PDE4D: variants seen among roughly 807,000 people sequenced by gnomAD.
The protein encoded by PDE4D is phosphodiesterase 4D.
A neutral mutation model predicts 87.4 loss-of-function variants in PDE4D; 24 were observed. The observed-to-expected ratio is 0.27, with a 90% confidence interval of 0.20 to 0.39. The LOEUF is 0.39. Among genes scored for constraint, PDE4D ranks in the 10% least tolerant of loss-of-function variants. The pLI is 1.00. For missense variants in PDE4D, 714 were observed against 1,041.0 expected, an observed-to-expected ratio of 0.69 and a Z score of 4.32; for synonymous variants, 384 against 383.2, an observed-to-expected ratio of 1.00 and a Z score of -0.02.
rs112875369 is a variant in PDE4D at position 59,117,226 on chromosome 5, T to C, written c.808+63369A>G. Among the ~76,000 whole-genome samples the C allele has an allele frequency of 6.2e-3, 938 of 152,328 alleles. 9 individuals carry two copies. Among genetic ancestry groups the C allele is most frequent in the African/African-American group, 0.021 (883 of 41,576 alleles). On this transcript the variant is annotated intron_variant, in intron 5 of 14. Transcript: ENST00000340635. ...CTTACATGAGGCAGGTCTCTTATTC[T>C]ATTCTGGGGTCTCACTGCTATCAAT...
chr5:60,349,505 A>T (rs2149920309), intron 1 of PDE4D, among the ~76,000 whole-genome samples: 1 of 152,298 alleles, frequency 6.6e-6, no homozygotes, highest in East Asian at 1.9e-4. Flanking sequence ...ATGCCACTTT[A>T]AACTGTTGGC....
At chr5:59,847,277 C>G (rs1157342924) in intron 1 of PDE4D, among the ~76,000 whole-genome samples, 1 of 152,008 alleles carries the variant, frequency 6.6e-6, no homozygotes, top group Non-Finnish European at 1.5e-5. Flanking sequence ...CCCATTGTAT[C>G]TCACACCTAA....
intron 1 of PDE4D, among the ~76,000 whole-genome samples, chr5:59,835,110 G>C (rs1561738453): frequency 6.6e-6 from 1 of 152,062 alleles, no homozygotes. Flanking sequence ...AAGGAAGTGA[G>C]AGCCATATTG....
At chr5:59,308,486 A>G (rs1425770566) in intron 1 of PDE4D, among the ~76,000 whole-genome samples, 1 of 152,062 alleles carries the variant, frequency 6.6e-6, no homozygotes, top group Non-Finnish European at 1.5e-5. Flanking sequence ...TCCTTCATAT[A>G]TGATGCTTAA....
intron 5 of PDE4D, among the ~76,000 whole-genome samples, chr5:59,167,373 A>G (rs1782071601): frequency 1.3e-5 from 2 of 152,162 alleles, no homozygotes; most frequent in Admixed American, 6.5e-5. Context: ...AATATTAGTC[A>G]AATAACAGTC....
intron 2 of PDE4D, among the ~76,000 whole-genome samples, chr5:60,044,195 G>T (rs1768881880): frequency 6.6e-6 from 1 of 151,956 alleles, no homozygotes; most frequent in Non-Finnish European, 1.5e-5. Context: ...TGCCTGAGGT[G>T]ATGGACACCC....
chr5:59,013,861 C>A (rs919376974), intron 6 of PDE4D, among the ~76,000 whole-genome samples: 1 of 152,102 alleles, frequency 6.6e-6, no homozygotes, highest in East Asian at 1.9e-4. Flanking sequence ...AATTTTAGAC[C>A]AACATCCATG....
chr5:59,562,914 C>T (rs1820275707), intron 1 of PDE4D, among the ~76,000 whole-genome samples: 1 of 152,108 alleles, frequency 6.6e-6, no homozygotes, highest in African/African-American at 2.4e-5. Flanking sequence ...ATATTTTACA[C>T]CTGGCTTAAC....
chr5:60,309,883 T>C (rs184032102), intron 1 of PDE4D, among the ~76,000 whole-genome samples: 22 of 152,356 alleles, frequency 1.4e-4, no homozygotes, highest in African/African-American at 5.0e-4. Context: ...ATGTAAGACA[T>C]GTGGACTAGT....
At chr5:59,190,447 T>C (rs1744059155) in intron 3 of PDE4D, among the ~76,000 whole-genome samples, 1 of 152,196 alleles carries the variant, frequency 6.6e-6, no homozygotes, top group Non-Finnish European at 1.5e-5. Flanking sequence ...TTTCAAAGCA[T>C]GCTGAGAAAA....
At chr5:60,424,816 A>C (rs1743526948) in intron 1 of PDE4D, among the ~76,000 whole-genome samples, 1 of 152,228 alleles carries the variant, frequency 6.6e-6, no homozygotes, top group Non-Finnish European at 1.5e-5. Context: ...CCTTAAGCTG[A>C]TAAGCAACTT....
At chr5:59,892,669 TC>T (rs1436157553) in intron 1 of PDE4D, among the ~76,000 whole-genome samples, 5 of 151,274 alleles carry the variant, frequency 3.3e-5, no homozygotes, top group South Asian at 2.1e-4. Context: ...GCTTTCTCAC[TC>T]CCCCCTCCTC....
At chr5:60,421,724 G>A (rs1032418439) in intron 1 of PDE4D, among the ~76,000 whole-genome samples, 1 of 152,146 alleles carries the variant, frequency 6.6e-6, no homozygotes, top group African/African-American at 2.4e-5. Context: ...GGCTTCAGAA[G>A]GATGGTAATA....
At chr5:60,048,561 G>T (rs1769632556) in intron 2 of PDE4D, among the ~76,000 whole-genome samples, 1 of 151,904 alleles carries the variant, frequency 6.6e-6, no homozygotes, top group South Asian at 2.1e-4. Flanking sequence ...GGCATGCCTG[G>T]TGGTGACAAA....
chr5:59,367,758 T>C (rs1387637163), intron 1 of PDE4D, among the ~76,000 whole-genome samples: 1 of 152,092 alleles, frequency 6.6e-6, no homozygotes, highest in African/African-American at 2.4e-5. Context: ...AGACAAGAAG[T>C]CTGCCTTACA....
intron 1 of PDE4D, among the ~76,000 whole-genome samples, chr5:59,417,292 A>G (rs1170890331): frequency 6.6e-6 from 1 of 152,210 alleles, no homozygotes; most frequent in African/African-American, 2.4e-5. Context: ...ATAAAAAGTA[A>G]CATCTCCAGC....
chr5:59,216,828 A>C (rs1301058155), intron 1 of PDE4D: 3 of 166,604 alleles, frequency 1.8e-5, no homozygotes, highest in African/African-American at 7.2e-5. Context: ...CTGAAAGGCT[A>C]CCCTGGTACA....
intron 1 of PDE4D, among the ~76,000 whole-genome samples, chr5:60,362,329 T>G (rs1760142383): frequency 6.6e-6 from 1 of 152,206 alleles, no homozygotes; most frequent in South Asian, 2.1e-4. Context: ...GAAGGTCAGA[T>G]GAGTCATCTT....
chr5:59,371,133 AAGAT>A (rs1783861701), intron 1 of PDE4D, among the ~76,000 whole-genome samples: 1 of 152,192 alleles, frequency 6.6e-6, no homozygotes, highest in East Asian at 1.9e-4. Flanking sequence ...GGGAAGCCAA[AAGAT>A]TGAATACTCC....
Sources: allele counts gnomAD v4.1 joint callset (sites outside exome capture counted in the v4.1 genomes callset), GRCh38; gene constraint gnomAD v4.1.1; transcripts MANE v1.5; gene names NCBI Gene and HGNC (gene_info 2026-07-23, HGNC 2026-07-21).